SORCS2: variants seen among roughly 807,000 people sequenced by gnomAD.
The protein encoded by SORCS2 is sortilin related VPS10 domain containing receptor 2.
SORCS2 carries 100 observed loss-of-function variants against 141.6 expected under a neutral mutation model. That is an observed-to-expected ratio of 0.71 (90% confidence interval 0.60 to 0.83). The LOEUF (loss-of-function observed/expected upper bound fraction) is 0.83, where lower values mean the gene tolerates loss of function less well. SORCS2 is among the 40% of genes least tolerant of loss of function. The pLI is 0.00. For synonymous variants in SORCS2, 789 were observed against 676.9 expected (o/e 1.17, Z -2.57); for missense variants, 1,646 against 1,560.2 (o/e 1.05, Z -0.93).
chr4:7,229,960 T>G (rs13106591), intron 1 of SORCS2, among the ~76,000 whole-genome samples: 2 of 143,478 alleles, frequency 1.4e-5, no homozygotes, highest in Non-Finnish European at 3.0e-5. Context: ...TGTGCTCATG[T>G]ATGAAGGAGA....
intron 2 of SORCS2, among the ~76,000 whole-genome samples, chr4:7,502,816 G>T (rs918416217): frequency 6.6e-6 from 1 of 152,242 alleles, no homozygotes; most frequent in Non-Finnish European, 1.5e-5. Flanking sequence ...CCCACGGCAT[G>T]CCCACTTCCA....
chr4:7,373,478 A>AATTTTTTTTTT (rs1722401599), intron 1 of SORCS2, among the ~76,000 whole-genome samples: 8 of 36,824 alleles, frequency 2.2e-4, no homozygotes, highest in Admixed American at 1.2e-3. Context: ...ATATATATAT[A>AATTTTTTTTTT]TTTTTTTTTT....
Position 7,496,471 on chromosome 4 carries a change from C to T in SORCS2, c.549-35059C>T, listed in dbSNP as rs867057961. ...CACCCGTTCCCCGTCCCCCGTCCCC[C>T]GTCCCCCATCCCCCATCTCAGGGCA... is the stretch of plus-strand genomic sequence containing the variant. On this transcript the variant is annotated intron_variant, in intron 2 of 26. Coordinates refer to ENST00000507866, the MANE Select transcript of SORCS2 (RefSeq NM_020777.3). Among the ~76,000 whole-genome samples the T allele has an allele frequency of 2.1e-5, 3 of 144,396 alleles. No homozygotes were observed. The East Asian group carries it at 6.2e-4, about 30-fold the overall frequency. The allele number at this position is 144,396 out of a possible 152,430, so 94.7% of individuals were successfully genotyped here.
At position 7,675,505 on chromosome 4, in the gene SORCS2, G is replaced by C. The variant is rs1269011545; in HGVS notation, c.1162-545G>C. Among the ~76,000 whole-genome samples, 7 of 152,228 alleles carry C rather than the reference G, an allele frequency of 4.6e-5. No individual in the cohort carries two copies. The East Asian group carries it at 1.4e-3, about 29-fold the overall frequency. On this transcript the variant is annotated intron_variant, in intron 8 of 26. Coordinates refer to ENST00000507866, the MANE Select transcript of SORCS2 (RefSeq NM_020777.3). ...CCACGGTGCCTCCCTGCAGGTCGCA[G>C]AGGACAGGGCCACACCTGGCTCCCC...
At position 7,215,270 on chromosome 4, in the gene SORCS2, C is replaced by T. The variant is rs562770582; in HGVS notation, c.480+22144C>T. Among the ~76,000 whole-genome samples, 10 of 152,332 alleles carry T rather than the reference C, an allele frequency of 6.6e-5. No homozygotes were observed. The South Asian group carries it at 1.0e-3, about 16-fold the overall frequency. On this transcript the variant is annotated intron_variant, in intron 1 of 26. Transcript: ENST00000507866. ...CCCGGGCAAGGAGGGACTTAGCACC[C>T]GGGCCAGCGGCTGTGGAGGGTGTAC...
chr4:7,401,721 C>T (rs868587926), intron 2 of SORCS2, among the ~76,000 whole-genome samples: 3 of 152,132 alleles, frequency 2.0e-5, no homozygotes, highest in Admixed American at 2.0e-4. Flanking sequence ...AAGGACCACA[C>T]TAATGCTGGG....
rs1169026891 is a variant in SORCS2 at position 7,726,914 on chromosome 4, C to T, written c.2869+11C>T. The stretch of plus-strand genomic sequence containing the variant: ...TCCTCCGTGTGCTGGGTAAGTACTT[C>T]CTGGGGTCTGGCAGCACGGCCTCTG... On this transcript the variant is annotated intron_variant, in intron 21 of 26. Coordinates refer to ENST00000507866, the MANE Select transcript of SORCS2 (RefSeq NM_020777.3). 9.9e-6 allele frequency: 16 copies of T among 1,609,822 alleles called. No individual in the cohort carries two copies. In the Admixed American group the frequency reaches 2.5e-4, roughly 25 times the overall value.
In SORCS2 at chr4:7,618,874, G is replaced by A. The variant is rs146920225; in HGVS notation, c.649-19454G>A. Among the ~76,000 whole-genome samples the A allele has an allele frequency of 6.8e-3, 1,035 of 151,736 alleles. 12 individuals carry two copies. Among genetic ancestry groups the A allele is most frequent in the Middle Eastern group, 0.041 (12 of 294 alleles). The stretch of plus-strand genomic sequence containing the variant: ...CACACACACAAACACACACACCACC[G>A]TCCTGGAAGTCTCGGGCGGGGGCAG... On this transcript the variant is annotated intron_variant, in intron 3 of 26. Coordinates refer to ENST00000507866, the MANE Select transcript of SORCS2 (RefSeq NM_020777.3).
chr4:7,376,916 G>A (rs5026892), intron 1 of SORCS2, among the ~76,000 whole-genome samples: 95,972 of 149,158 alleles, frequency 0.64, 31,389 homozygotes, highest in East Asian at 0.94. Context: ...CCCAGCCCAC[G>A]GATGTTCCAG....
At position 7,339,592 on chromosome 4, in the gene SORCS2, T is replaced by C. The variant is rs144358407; in HGVS notation, c.481-56696T>C. On this transcript the variant is annotated intron_variant, in intron 1 of 26. Coordinates refer to ENST00000507866, the MANE Select transcript of SORCS2 (RefSeq NM_020777.3). ...CATCTTCACACGGTGTTCTCCCGGA[T>C]AGCGTCTCTGTGGCCATTTTTGTCA... 4.1e-3 allele frequency among the ~76,000 whole-genome samples: 622 copies of C among 152,290 alleles called. 4 individuals are homozygous for C. Among genetic ancestry groups the C allele is most frequent in the African/African-American group, 0.014 (594 of 41,570 alleles).
chr4:7,549,875 C>G (rs921672965), intron 3 of SORCS2, among the ~76,000 whole-genome samples: 2 of 152,178 alleles, frequency 1.3e-5, no homozygotes, highest in Non-Finnish European at 2.9e-5. Context: ...GAATGAAACA[C>G]ATGAGTCCCA....
At chr4:7,489,611 C>T (rs1388347969) in intron 2 of SORCS2, among the ~76,000 whole-genome samples, 1 of 152,080 alleles carries the variant, frequency 6.6e-6, no homozygotes, top group Non-Finnish European at 1.5e-5. Context: ...CTAATGCAAA[C>T]AAGGTGACAA....
chr4:7,455,712 G>A (rs1349907583), intron 2 of SORCS2, among the ~76,000 whole-genome samples: 1 of 150,618 alleles, frequency 6.6e-6, no homozygotes, highest in Non-Finnish European at 1.5e-5. Context: ...CAGGAGCTTT[G>A]TTGGGGTCAG....
chr4:7,207,383 C>T (rs545043693), intron 1 of SORCS2, among the ~76,000 whole-genome samples: 5 of 152,348 alleles, frequency 3.3e-5, no homozygotes, highest in Non-Finnish European at 5.9e-5. Flanking sequence ...AGTCACCGGG[C>T]TGCTCTCTGC....
chr4:7,320,850 A>AG (rs1326566357), intron 1 of SORCS2, among the ~76,000 whole-genome samples: 5 of 151,560 alleles, frequency 3.3e-5, no homozygotes, highest in African/African-American at 1.2e-4. Flanking sequence ...GATGGGACCC[A>AG]CCCTCCCTTC....
intron 2 of SORCS2, among the ~76,000 whole-genome samples, chr4:7,474,475 C>T (rs1730167417): frequency 6.6e-6 from 1 of 152,332 alleles, no homozygotes; most frequent in African/African-American, 2.4e-5. Context: ...TCTGGGCCAG[C>T]CCTAGGGCTG....
At chr4:7,622,849 AAGG>A in intron 3 of SORCS2, among the ~76,000 whole-genome samples, 1 of 152,028 alleles carries the variant, frequency 6.6e-6, no homozygotes, top group Non-Finnish European at 1.5e-5. Flanking sequence ...CTGTGGTAGG[AAGG>A]AGGAGAATAA....
chr4:7,647,858 G>A (rs1196626385), intron 4 of SORCS2, among the ~76,000 whole-genome samples: 2 of 152,238 alleles, frequency 1.3e-5, no homozygotes, highest in East Asian at 3.8e-4. Flanking sequence ...GCCTGCATGA[G>A]AGCTCCGGGT....
intron 1 of SORCS2, among the ~76,000 whole-genome samples, chr4:7,234,051 G>A (rs1042830593): frequency 2.6e-5 from 4 of 152,256 alleles, no homozygotes; most frequent in East Asian, 1.9e-4. Flanking sequence ...CACTCCCACC[G>A]AGCCCTTGAT....
Sources: allele counts gnomAD v4.1 joint callset (sites outside exome capture counted in the v4.1 genomes callset), GRCh38; gene constraint gnomAD v4.1.1; transcripts MANE v1.5; gene names NCBI Gene and HGNC (gene_info 2026-07-23, HGNC 2026-07-21).